Variants in SCAPER observed in about 807,000 individuals in gnomAD.
The protein encoded by SCAPER is S phase cyclin A-associated protein in the endoplasmic reticulum.
SCAPER carries 98 observed loss-of-function variants against 182.2 expected under a neutral mutation model. The observed-to-expected ratio is 0.54, with a 90% CI of 0.46 to 0.64. The LOEUF (loss-of-function observed/expected upper bound fraction) is 0.64. Among genes scored for constraint, SCAPER ranks in the 30% least tolerant of loss-of-function variants. SCAPER has a pLI of 0.00. For synonymous variants in SCAPER, 605 were observed against 564.6 expected, an observed-to-expected ratio of 1.07 and a Z score of -1.01; for missense variants, 1,432 against 1,690.0, an observed-to-expected ratio of 0.85 and a Z score of 2.68.
intron 1 of SCAPER, among the ~76,000 whole-genome samples, chr15:76,885,445 A>C (rs559186036): frequency 6.6e-6 from 1 of 152,298 alleles, no homozygotes; most frequent in Non-Finnish European, 1.5e-5. Context: ...CTTTGCACAA[A>C]TGTCACTCTC....
chr15:76,408,372 T>C (rs1158219631), intron 26 of SCAPER, among the ~76,000 whole-genome samples: 1 of 152,194 alleles, frequency 6.6e-6, no homozygotes, highest in Non-Finnish European at 1.5e-5. Context: ...ATAAACATCA[T>C]TTTTAATGAT....
At chr15:76,660,485 G>A (rs2056053928) in intron 21 of SCAPER, among the ~76,000 whole-genome samples, 1 of 152,114 alleles carries the variant, frequency 6.6e-6, no homozygotes, top group African/African-American at 2.4e-5. Context: ...GGTCATCAAG[G>A]CAGTATTTAC....
At position 76,771,897 on chromosome 15, in the gene SCAPER, C is replaced by G; in HGVS notation, c.1093G>C (p.Val365Leu). The change falls in exon 10 of 32, where the codon GTT becomes CTT. Residue 365 changes from valine (V) to leucine (L), a missense_variant. Physicochemically the swap from Val to Leu is conservative, Grantham distance 32. This residue lies in a region of SCAPER where 480 missense variants were observed against 510.2 expected (regional missense o/e 0.94). Transcript: ENST00000563290. ...ACAGCAGATATTTCAGAAGTTCGAA[C>G]ATAATTGTCTCGAATACTGCCAGAA... ...KNSGSIRDNY[V>L]RTSEISAVHI... The G allele has an allele frequency of 1.2e-6, 2 of 1,612,868 alleles. No homozygotes were observed. The highest frequency in any genetic ancestry group is 1.7e-6 in the Non-Finnish European group (2 of 1,179,428).
chr15:76,519,992 G>T (rs1309764311), intron 23 of SCAPER, among the ~76,000 whole-genome samples: 1 of 152,052 alleles, frequency 6.6e-6, no homozygotes, highest in Non-Finnish European at 1.5e-5. Context: ...TCTTAAAATT[G>T]TACTACAGTA....
chr15:76,778,663 G>GTGTA (rs2063897846), intron 8 of SCAPER, among the ~76,000 whole-genome samples: 1 of 151,528 alleles, frequency 6.6e-6, no homozygotes, highest in African/African-American at 2.4e-5. Flanking sequence ...GTGTGTGTGT[G>GTGTA]TGTATGTATA....
chr15:76,656,190 C>G (rs2055618938), intron 21 of SCAPER, among the ~76,000 whole-genome samples: 1 of 151,978 alleles, frequency 6.6e-6, no homozygotes, highest in East Asian at 1.9e-4. Context: ...GCCACAGGTT[C>G]AAAGTAAAGG....
intron 23 of SCAPER, among the ~76,000 whole-genome samples, chr15:76,530,463 C>T (rs1008142721): frequency 1.3e-5 from 2 of 152,184 alleles, no homozygotes; most frequent in African/African-American, 4.8e-5. Flanking sequence ...CCTAAATTAT[C>T]TAAATGTGGT....
intron 4 of SCAPER, among the ~76,000 whole-genome samples, chr15:76,847,013 TA>T (rs200461289): frequency 6.5e-4 from 94 of 144,870 alleles, no homozygotes; most frequent in South Asian, 5.4e-3. Flanking sequence ...TATTCAGCCA[TA>T]AAAAAAAAAA....
rs575756580 is a variant in SCAPER, at chr15:76,404,548, G to A, written c.3443C>T (p.Thr1148Ile). The A allele has an allele frequency of 6.8e-6, 11 of 1,612,978 alleles. No individual in the cohort carries two copies. Among genetic ancestry groups the A allele is most frequent in the African/African-American group, 6.7e-5 (5 of 74,992 alleles). Residue 1148 changes from threonine to isoleucine, a missense_variant, in exon 27 of 32, where the codon ACA (threonine) becomes ATA (isoleucine). Thr to Ile is a moderately conservative substitution (Grantham distance 89). Around this residue, in one of 5 missense-constraint regions of SCAPER, gnomAD observed 718 missense variants for 799.7 expected, o/e 0.90. Transcript: ENST00000563290. ...CCTTCCAGTGACAGCAAAGCACAGT[G>A]TACACATTGCATGTAAGAGTCCTGC... The part of the protein sequence containing the change: ...HAAGLLHAMC[T>I]LCFAVTGRSY...
In SCAPER at chr15:76,522,903, T is replaced by C. The variant is rs150313959; in HGVS notation, c.2839-17929A>G. On this transcript the variant is annotated intron_variant, in intron 23 of 31. Transcript: ENST00000563290. ...CATGTGATATGTTTCTGACAAGTGATTTATACATTCCTATTCATCAAAATA... is the reference window on the plus strand; with the variant it reads ...CATGTGATATGTTTCTGACAAGTGACTTATACATTCCTATTCATCAAAATA... Among the ~76,000 whole-genome samples the C allele has an allele frequency of 1.1e-4, 16 of 152,258 alleles. No individual in the cohort carries two copies. In the East Asian group the frequency reaches 2.3e-3, roughly 22 times the overall value.
chr15:76,620,250 C>T (rs1430235044), intron 22 of SCAPER, among the ~76,000 whole-genome samples: 2 of 152,076 alleles, frequency 1.3e-5, no homozygotes, highest in African/African-American at 4.8e-5. Context: ...CTTAGTTTCC[C>T]TAATTAACCT....
chr15:76,642,490 TG>T (rs1177598025), intron 21 of SCAPER, among the ~76,000 whole-genome samples: 1 of 152,222 alleles, frequency 6.6e-6, no homozygotes, highest in Non-Finnish European at 1.5e-5. Flanking sequence ...TACATTAAAA[TG>T]TATCTTGATT....
At chr15:76,371,539 C>G (rs1420064734) in intron 29 of SCAPER, among the ~76,000 whole-genome samples, 1 of 151,256 alleles carries the variant, frequency 6.6e-6, no homozygotes, top group Admixed American at 6.6e-5. Flanking sequence ...AGGCTGGTCT[C>G]GAGCTCCTGA....
intron 2 of SCAPER, among the ~76,000 whole-genome samples, chr15:76,878,117 CAAAG>C (rs1268495978): frequency 6.6e-6 from 1 of 151,524 alleles, no homozygotes; most frequent in Non-Finnish European, 1.5e-5. Context: ...TTCATACACA[CAAAG>C]AGAGAAAGGA....
chr15:76,675,049 G>C (rs904832079), intron 20 of SCAPER, among the ~76,000 whole-genome samples: 7 of 152,168 alleles, frequency 4.6e-5, no homozygotes, highest in African/African-American at 1.7e-4. Context: ...ATGGAGAGCG[G>C]ATGGAATGCC....
chr15:76,792,348 G>C (rs1020017141), intron 8 of SCAPER, among the ~76,000 whole-genome samples: 12 of 152,092 alleles, frequency 7.9e-5, no homozygotes. Flanking sequence ...ATAATTGAGT[G>C]AGTCACTGGC....
At chr15:76,735,113 G>A (rs141921919) in intron 15 of SCAPER, among the ~76,000 whole-genome samples, 8 of 152,048 alleles carry the variant, frequency 5.3e-5, no homozygotes, top group East Asian at 3.9e-4. Context: ...TAGGAGGGCC[G>A]GGCAGGAGGA....
rs969001719 is a variant in SCAPER, at chr15:76,773,707, C to T, written c.1035+1148G>A. Among the ~76,000 whole-genome samples, 9 of 151,850 alleles carry T rather than the reference C, an allele frequency of 5.9e-5. 1 individual carries two copies. Among genetic ancestry groups the T allele is most frequent in the Non-Finnish European group, 1.3e-4 (9 of 67,790 alleles). Reference sequence around the variant, plus strand: ...ATCGGAAACAATGTTAAGAGTCATTCTCATCAGTAAAGGAAGATAAGGAAT... The same window carrying T: ...ATCGGAAACAATGTTAAGAGTCATTTTCATCAGTAAAGGAAGATAAGGAAT... On this transcript the variant is annotated intron_variant, in intron 9 of 31. Transcript: ENST00000563290.
chr15:76,885,651 CTT>C (rs1393320730), intron 1 of SCAPER, among the ~76,000 whole-genome samples: 1 of 152,096 alleles, frequency 6.6e-6, no homozygotes, highest in African/African-American at 2.4e-5. Context: ...GTCTGGGTAA[CTT>C]TTGTATTTTT....
Sources: gnomAD v4.1 joint callset for allele counts (sites outside exome capture counted in the v4.1 genomes callset) on GRCh38, gnomAD v4.1.1 for gene constraint, gnomAD v4.1.1 regional missense constraint, MANE v1.5 for transcripts, NCBI Gene and HGNC (gene_info 2026-07-23, HGNC 2026-07-21) for gene names.